Variants in SLC44A1 observed in about 807,000 individuals in gnomAD.
SLC44A1 encodes solute carrier family 44 member 1, also known as choline transporter-like protein 1.
A neutral mutation model predicts 79.3 loss-of-function variants in SLC44A1; 26 were observed. That is an observed-to-expected ratio of 0.33 (90% CI 0.24 to 0.46). SLC44A1 has a LOEUF of 0.46. SLC44A1 is among the 20% of genes least tolerant of loss of function. The pLI is 1.00. For missense variants in SLC44A1, 688 were observed against 798.1 expected (o/e 0.86, Z 1.66); for synonymous variants, 263 against 286.2 (o/e 0.92, Z 0.82).
At chr9:105,364,069 G>A (rs188321216) in intron 9 of SLC44A1, among the ~76,000 whole-genome samples, 3 of 152,106 alleles carry the variant, frequency 2.0e-5, no homozygotes, top group Admixed American at 6.5e-5. Flanking sequence ...TCTTACAGCC[G>A]TACTGAGTAT....
At position 105,414,352 on chromosome 9, in the gene SLC44A1, G is replaced by A. The variant is rs191645381; in HGVS notation, c.1951-23929G>A. ...TTATAGGCGTGAGCCACCACGCCCA[G>A]CCGACAGTTAGTGTTTTTTAGCTGT... On this transcript the variant is annotated intron_variant, in intron 15 of 15. Transcript: ENST00000374724. 3.7e-4 allele frequency among the ~76,000 whole-genome samples: 57 copies of A among 152,288 alleles called. 3 individuals carry two copies. In the East Asian group the frequency reaches 0.01, roughly 27 times the overall value.
intron 4 of SLC44A1, among the ~76,000 whole-genome samples, chr9:105,346,692 G>GT (rs1314855642): frequency 3.3e-5 from 5 of 152,012 alleles, no homozygotes; most frequent in Non-Finnish European, 4.4e-5. Context: ...TTATATTCAA[G>GT]TATGAAAGAC....
intron 1 of SLC44A1, among the ~76,000 whole-genome samples, chr9:105,267,419 T>C (rs1564404519): frequency 6.6e-6 from 1 of 152,192 alleles, no homozygotes; most frequent in Non-Finnish European, 1.5e-5. Context: ...AATTTTTTCT[T>C]AATTCTTTCT....
intron 6 of SLC44A1, among the ~76,000 whole-genome samples, chr9:105,357,584 C>A (rs1401858548): frequency 6.6e-6 from 1 of 152,120 alleles, no homozygotes; most frequent in African/African-American, 2.4e-5. Flanking sequence ...AAACGTATTT[C>A]CCATGCAAGG....
intron 4 of SLC44A1, among the ~76,000 whole-genome samples, chr9:105,336,606 GC>G (rs1826929969): frequency 6.6e-6 from 1 of 152,138 alleles, no homozygotes; most frequent in Non-Finnish European, 1.5e-5. Flanking sequence ...AGATCCACAG[GC>G]TAGTGCTGGT....
At chr9:105,405,196 C>G (rs970894718) in intron 15 of SLC44A1, among the ~76,000 whole-genome samples, 2 of 152,042 alleles carry the variant, frequency 1.3e-5, no homozygotes, top group African/African-American at 4.8e-5. Context: ...TGGCGGGCAC[C>G]TGCAATCCCA....
At chr9:105,438,379 G>C (rs371040323) in exon 16 of SLC44A1, 2 of 1,084,968 alleles carry the variant, frequency 1.8e-6, no homozygotes, top group South Asian at 1.4e-5. Context: ...GAGAGTCTGC[G>C]ATTATGAAGA....
chr9:105,363,585 C>T (rs914186869), intron 9 of SLC44A1, among the ~76,000 whole-genome samples: 9 of 151,962 alleles, frequency 5.9e-5, no homozygotes, highest in South Asian at 2.1e-4. Context: ...CTGCCTCAGC[C>T]TCCCGAGCAG....
chr9:105,381,198 G>C (rs558399480), intron 13 of SLC44A1, among the ~76,000 whole-genome samples: 1 of 152,196 alleles, frequency 6.6e-6, no homozygotes, highest in African/African-American at 2.4e-5. Flanking sequence ...GATTTGGAGA[G>C]TATAGGAAAT....
chr9:105,354,114 G>T (rs1051511814), intron 5 of SLC44A1, among the ~76,000 whole-genome samples: 1 of 135,226 alleles, frequency 7.4e-6, no homozygotes, highest in African/African-American at 2.9e-5. Flanking sequence ...GCAGTGGCGC[G>T]ATCTCGGCTC....
At chr9:105,299,595 G>A (rs180673921) in intron 2 of SLC44A1, 11 of 294,276 alleles carry the variant, frequency 3.7e-5, no homozygotes, top group African/African-American at 2.4e-4. Flanking sequence ...CATGAGTCAT[G>A]AGCCCTGCAT....
At position 105,317,730 on chromosome 9, in the gene SLC44A1, A is replaced by G. The variant is rs369890223; in HGVS notation, c.269+7864A>G. Among the ~76,000 whole-genome samples the G allele has an allele frequency of 5.8e-4, 88 of 152,302 alleles. No homozygotes were observed. The South Asian group carries it at 0.017, about 29-fold the overall frequency. On this transcript the variant is annotated intron_variant, in intron 3 of 15. Transcript: ENST00000374720. ...CACACAGGAAGGTGCTCCTGACTCT[A>G]TCTTGTACTCCTGACTCTATCTTGT... is the stretch of plus-strand genomic sequence containing the variant.
At position 105,314,852 on chromosome 9, in the gene SLC44A1, T is replaced by C. The variant is rs556515605; in HGVS notation, c.269+4986T>C. ...TACTTCTTTCTCTTAATTGTTCTCA[T>C]TGGCAAGATACTCAAAGTTTAAAAT... On this transcript the variant is annotated intron_variant, in intron 3 of 15. Transcript: ENST00000374720. 2.3e-4 allele frequency among the ~76,000 whole-genome samples: 35 copies of C among 152,360 alleles called. No individual in the cohort carries two copies. In the South Asian group the frequency reaches 6.0e-3, roughly 26 times the overall value.
In SLC44A1 at chr9:105,389,280, G is replaced by T; in HGVS notation, c.*224G>T. On this transcript the variant is annotated 3_prime_UTR_variant, in exon 16 of 16. Coordinates refer to ENST00000374720, the MANE Select transcript of SLC44A1 (RefSeq NM_080546.5). ...GTCAAACATGTACTCCTTTCATACG[G>T]GTGGCTTTTACAAGGCAACTTCCGT... The T allele has an allele frequency of 1.7e-6, 2 of 1,211,788 alleles. No individual in the cohort carries two copies. Among genetic ancestry groups the T allele is most frequent in the East Asian group, 3.4e-5 (1 of 29,684 alleles). 75.1% of individuals were successfully genotyped at this position (1,211,788 alleles called of 1,614,324 possible).
At chr9:105,408,160 T>C (rs1242090805) in intron 15 of SLC44A1, among the ~76,000 whole-genome samples, 2 of 151,664 alleles carry the variant, frequency 1.3e-5, no homozygotes, top group South Asian at 2.1e-4. Context: ...TCTCAAAAAA[T>C]AAAATAAAAT....
chr9:105,374,249 C>A (rs896900041), intron 12 of SLC44A1, among the ~76,000 whole-genome samples: 2 of 152,172 alleles, frequency 1.3e-5, no homozygotes, highest in African/African-American at 4.8e-5. Flanking sequence ...TTACAGTGCA[C>A]TGCTGATGTT....
intron 13 of SLC44A1, among the ~76,000 whole-genome samples, chr9:105,379,395 A>G (rs10991644): frequency 0.025 from 3,811 of 152,228 alleles, 54 homozygotes; most frequent in Middle Eastern, 0.048. Flanking sequence ...GTGATGATGG[A>G]TATATTCTGC....
downstream of SLC44A1, among the ~76,000 whole-genome samples, chr9:105,400,658 A>G (rs956178287): frequency 2.6e-5 from 4 of 152,186 alleles, no homozygotes; most frequent in African/African-American, 9.7e-5. Context: ...GTGCAATAAT[A>G]TGAAATATTG....
At chr9:105,262,044 A>T (rs1013349856) in intron 1 of SLC44A1, among the ~76,000 whole-genome samples, 2 of 152,116 alleles carry the variant, frequency 1.3e-5, no homozygotes, top group South Asian at 4.1e-4. Context: ...TTGGCTTCCC[A>T]AAGTGCTGGG....
Sources: allele counts gnomAD v4.1 joint callset (sites outside exome capture counted in the v4.1 genomes callset), GRCh38; gene constraint gnomAD v4.1.1; transcripts MANE v1.5; gene names NCBI Gene and HGNC (gene_info 2026-07-23, HGNC 2026-07-21).